The following TAOK3 variants were observed in gnomAD, a reference collection of about 807,000 sequenced individuals.
The protein encoded by TAOK3 is TAO kinase 3.
Under a neutral mutation model 120.4 loss-of-function variants are expected in TAOK3, and 40 were observed. That is an observed-to-expected ratio of 0.33 (90% CI 0.26 to 0.43). The LOEUF is 0.43. TAOK3 is among the 20% of genes least tolerant of loss of function. The probability of loss-of-function intolerance (pLI) is 1.00; values close to 1 mark genes in which losing one functional copy is unlikely to be tolerated. For synonymous variants in TAOK3, 355 were observed against 387.5 expected (o/e 0.92, Z 0.99); for missense variants, 821 against 1,112.1 (o/e 0.74, Z 3.72).
intron 1 of TAOK3, among the ~76,000 whole-genome samples, chr12:118,369,469 G>A (rs61943370): frequency 0.16 from 24,952 of 152,056 alleles, 2,136 homozygotes; most frequent in East Asian, 0.26. Flanking sequence ...GAGTATCAGA[G>A]CACTTTCTTT....
intron 4 of TAOK3, among the ~76,000 whole-genome samples, chr12:118,244,215 C>T (rs370157426): frequency 6.6e-6 from 1 of 152,120 alleles, no homozygotes. Flanking sequence ...GCACACACCA[C>T]CACACCCAGC....
chr12:118,254,483 C>T (rs1048966459), intron 3 of TAOK3, among the ~76,000 whole-genome samples: 5 of 152,080 alleles, frequency 3.3e-5, no homozygotes, highest in African/African-American at 1.2e-4. Context: ...AAATCGTATA[C>T]GTAATTGTTT....
intron 11 of TAOK3, among the ~76,000 whole-genome samples, chr12:118,207,240 C>A (rs568020650): frequency 2.0e-5 from 3 of 150,576 alleles, no homozygotes; most frequent in Non-Finnish European, 4.4e-5. Context: ...GCAGGAGAAT[C>A]GCTTGAACCA....
At chr12:118,269,383 C>CT (rs1174725563) in intron 1 of TAOK3, among the ~76,000 whole-genome samples, 4,282 of 103,848 alleles carry the variant, frequency 0.041, 186 homozygotes, top group Non-Finnish European at 0.06. Context: ...TCTCTCTCTT[C>CT]TTTTTTTTTT....
intron 1 of TAOK3, among the ~76,000 whole-genome samples, chr12:118,299,658 C>T (rs1305303439): frequency 1.3e-5 from 2 of 151,996 alleles, no homozygotes; most frequent in African/African-American, 2.4e-5. Flanking sequence ...TAGAGGTGCA[C>T]ACCACCACGC....
At chr12:118,346,058 G>A (rs896683869) in intron 1 of TAOK3, among the ~76,000 whole-genome samples, 1 of 151,976 alleles carries the variant, frequency 6.6e-6, no homozygotes, top group Admixed American at 6.6e-5. Context: ...ATTCTGAAAG[G>A]CTGTCAAAAT....
chr12:118,327,457 GAA>G (rs1290688740), intron 1 of TAOK3, among the ~76,000 whole-genome samples: 2 of 152,130 alleles, frequency 1.3e-5, no homozygotes, highest in African/African-American at 4.8e-5. Context: ...CACTTTGAAA[GAA>G]AAACATATAT....
intron 1 of TAOK3, among the ~76,000 whole-genome samples, chr12:118,333,878 G>A (rs935524132): frequency 9.2e-5 from 14 of 151,498 alleles, no homozygotes; most frequent in Admixed American, 3.9e-4. Flanking sequence ...GCTCACGCCT[G>A]TAATCCCAGC....
chr12:118,235,287 G>A (rs191817751), intron 8 of TAOK3, among the ~76,000 whole-genome samples: 153 of 152,272 alleles, frequency 1.0e-3, no homozygotes, highest in African/African-American at 3.3e-3. Context: ...AAATGAAATC[G>A]AAAACCTGAA....
intron 9 of TAOK3, among the ~76,000 whole-genome samples, chr12:118,214,619 C>T (rs2038793840): frequency 6.7e-6 from 1 of 150,098 alleles, no homozygotes; most frequent in Admixed American, 6.6e-5. Flanking sequence ...CTCTGTTGCT[C>T]AGGCTGGAGT....
At chr12:118,262,342 G>A (rs1566030668) in intron 2 of TAOK3, among the ~76,000 whole-genome samples, 1 of 151,938 alleles carries the variant, frequency 6.6e-6, no homozygotes, top group Non-Finnish European at 1.5e-5. Flanking sequence ...AATTAGCCGG[G>A]CGTGGTGGTG....
intron 16 of TAOK3, among the ~76,000 whole-genome samples, chr12:118,173,520 T>A (rs2036135100): frequency 6.6e-6 from 1 of 152,190 alleles, no homozygotes; most frequent in Non-Finnish European, 1.5e-5. Context: ...GGTAGTAGCT[T>A]GGACAAAGGA....
In TAOK3 at chr12:118,363,755, TGA is replaced by T. The variant is rs112300856; in HGVS notation, c.-194+8891_-194+8892del. Among the ~76,000 whole-genome samples the T allele has an allele frequency of 2.9e-3, 410 of 141,322 alleles. 1 individual carries two copies. Among genetic ancestry groups the T allele is most frequent in the Middle Eastern group, 0.012 (3 of 250 alleles). 92.7% of individuals were successfully genotyped at this position (141,322 alleles called of 152,430 possible). On this transcript the variant is annotated intron_variant, in intron 1 of 20. Transcript: ENST00000392533. ...GTGTGTGTGTGTGTGTGTGTGTGTG[TGA>T]GAGAGAGAGAGAGAGAGAGACAGAC...
intron 17 of TAOK3, among the ~76,000 whole-genome samples, chr12:118,169,000 C>CCTTCCTTT (rs1555211257): frequency 3.7e-5 from 2 of 54,068 alleles, no homozygotes; most frequent in Non-Finnish European, 8.2e-5. Context: ...TTCCTTCCTT[C>CCTTCCTTT]CTTTCTTTCT....
At chr12:118,280,299 G>A (rs933730692) in intron 1 of TAOK3, among the ~76,000 whole-genome samples, 1 of 152,148 alleles carries the variant, frequency 6.6e-6, no homozygotes, top group South Asian at 2.1e-4. Flanking sequence ...GACCTCAAGT[G>A]ACCCACCTGC....
intron 3 of TAOK3, among the ~76,000 whole-genome samples, chr12:118,250,800 G>A (rs902524251): frequency 1.3e-5 from 2 of 152,152 alleles, no homozygotes; most frequent in South Asian, 2.1e-4. Flanking sequence ...AACCAACAAC[G>A]GTGGATGTGA....
At chr12:118,283,232 T>C (rs7963880) in intron 1 of TAOK3, among the ~76,000 whole-genome samples, 3,098 of 152,294 alleles carry the variant, frequency 0.02, 107 homozygotes, top group African/African-American at 0.071. Flanking sequence ...GATATTGTGT[T>C]AGGTGCTGAA....
intron 1 of TAOK3, among the ~76,000 whole-genome samples, chr12:118,360,040 C>T (rs1262903753): frequency 6.6e-6 from 1 of 151,876 alleles, no homozygotes; most frequent in Non-Finnish European, 1.5e-5. Flanking sequence ...CCGAGGCAGG[C>T]GGATCACCTG....
chr12:118,228,152 TC>T (rs2039597041), intron 9 of TAOK3, among the ~76,000 whole-genome samples: 2 of 150,738 alleles, frequency 1.3e-5, no homozygotes, highest in East Asian at 1.9e-4. Flanking sequence ...GTATATATAC[TC>T]TTTTTTTTTT....
Sources: allele counts gnomAD v4.1 joint callset (sites outside exome capture counted in the v4.1 genomes callset), GRCh38; gene constraint gnomAD v4.1.1; transcripts MANE v1.5; gene names NCBI Gene and HGNC (gene_info 2026-07-23, HGNC 2026-07-21).